REEP3: variants seen among roughly 807,000 people sequenced by gnomAD.
REEP3 encodes receptor expression-enhancing protein 3.
In REEP3, 20 loss-of-function variants were observed where a neutral mutation model predicts 41.3. That is an observed-to-expected ratio of 0.48 (90% confidence interval 0.34 to 0.70). The LOEUF (loss-of-function observed/expected upper bound fraction) is 0.70, where lower values mean the gene tolerates loss of function less well. Ranked by LOEUF, REEP3 falls within the 30% of genes least tolerant of loss-of-function variation. REEP3 has a pLI of 0.01. For missense variants in REEP3, 271 were observed against 308.8 expected (o/e 0.88, Z 0.92); for synonymous variants, 104 against 101.8 (o/e 1.02, Z -0.13).
At chr10:63,610,124 G>A in intron 5 of REEP3, 63 bp from the exon 6 acceptor site, 1 of 1,329,856 alleles carries the variant, frequency 7.5e-7, no homozygotes, top group South Asian at 1.4e-5. Context: ...AAATGTTCAG[G>A]GATAGTTAAA....
chr10:63,542,163 T>A (rs139289219), intron 1 of REEP3, among the ~76,000 whole-genome samples: 1 of 151,322 alleles, frequency 6.6e-6, no homozygotes, highest in African/African-American at 2.4e-5. Context: ...CACTGCAACC[T>A]CCACCTCCCA....
At chr10:63,534,418 T>A (rs926129520) in intron 1 of REEP3, among the ~76,000 whole-genome samples, 2 of 152,084 alleles carry the variant, frequency 1.3e-5, no homozygotes, top group Non-Finnish European at 2.9e-5. Flanking sequence ...ATCCAGCTAA[T>A]TTTTTATATT....
intron 1 of REEP3, among the ~76,000 whole-genome samples, chr10:63,537,495 C>T (rs1176197217): frequency 1.3e-5 from 2 of 152,126 alleles, no homozygotes; most frequent in Non-Finnish European, 2.9e-5. Context: ...ATTCACTGGG[C>T]TCATTTTACT....
chr10:63,580,231 G>A (rs1482696148), intron 2 of REEP3, among the ~76,000 whole-genome samples: 1 of 152,042 alleles, frequency 6.6e-6, no homozygotes, highest in Non-Finnish European at 1.5e-5. Context: ...AACCTCCTGG[G>A]CTTCAGCTAT....
At chr10:63,575,043 A>T (rs1797367095) in intron 2 of REEP3, among the ~76,000 whole-genome samples, 2 of 151,588 alleles carry the variant, frequency 1.3e-5, no homozygotes, top group Admixed American at 6.6e-5. Flanking sequence ...TTTAGAAGAG[A>T]TGGGGTTTCA....
intron 2 of REEP3, among the ~76,000 whole-genome samples, chr10:63,578,860 C>T (rs191794970): frequency 1.6e-4 from 24 of 152,170 alleles, no homozygotes; most frequent in Non-Finnish European, 1.5e-5. Flanking sequence ...TTGTAGCTGA[C>T]ATACACTGAA....
intron 1 of REEP3, among the ~76,000 whole-genome samples, chr10:63,537,406 G>T (rs1377812483): frequency 1.3e-5 from 2 of 152,156 alleles, no homozygotes; most frequent in Non-Finnish European, 2.9e-5. Flanking sequence ...TAGGATAGGG[G>T]TTAGCTCTGA....
At chr10:63,553,199 A>T (rs12254148) in intron 1 of REEP3, among the ~76,000 whole-genome samples, 4,064 of 152,256 alleles carry the variant, frequency 0.027, 187 homozygotes, top group African/African-American at 0.092. Flanking sequence ...GAAGAGCGAG[A>T]TTGTTCTAGC....
rs904199841 is a variant in REEP3 at position 63,521,540 on chromosome 10, G to A, written c.-6G>A. 5.8e-6 allele frequency: 8 copies of A among 1,386,520 alleles called. No homozygotes were observed. The African/African-American group carries it at 7.6e-5, about 13-fold the overall frequency. 85.9% of individuals were successfully genotyped at this position (1,386,520 alleles called of 1,614,324 possible). ...CCCCGGACGTGGGGCCCAAGCCCCC[G>A]TGAAGATGGTGTCCTGGATGATCTC... On this transcript the variant is annotated 5_prime_UTR_variant, in exon 1 of 8. The change creates a new upstream start codon in the 5' untranslated region. Coordinates refer to ENST00000373758, the MANE Select transcript of REEP3 (RefSeq NM_001001330.3).
intron 6 of REEP3, among the ~76,000 whole-genome samples, 191 bp downstream of exon 6, chr10:63,610,525 C>G (rs985391857): frequency 6.6e-6 from 1 of 152,014 alleles, no homozygotes; most frequent in East Asian, 1.9e-4. Flanking sequence ...ACATGTATAC[C>G]TGTGTAACAA....
intron 1 of REEP3, among the ~76,000 whole-genome samples, chr10:63,540,090 G>T (rs1380019380): frequency 6.6e-6 from 1 of 152,154 alleles, no homozygotes; most frequent in Non-Finnish European, 1.5e-5. Context: ...AAGCTTAACA[G>T]TAAGCAACAT....
chr10:63,548,118 T>A (rs968143850), intron 1 of REEP3, among the ~76,000 whole-genome samples: 4 of 152,206 alleles, frequency 2.6e-5, no homozygotes, highest in Non-Finnish European at 4.4e-5. Context: ...CAGCGGGGAC[T>A]GGAAGTGATA....
intron 3 of REEP3, among the ~76,000 whole-genome samples, chr10:63,597,102 C>A (rs921949116): frequency 3.3e-5 from 5 of 152,250 alleles, no homozygotes; most frequent in Admixed American, 2.0e-4. Context: ...CTGGCCAAAG[C>A]AAGCAAGTCA....
chr10:63,535,763 T>C (rs1279777344), intron 1 of REEP3, among the ~76,000 whole-genome samples: 1 of 152,198 alleles, frequency 6.6e-6, no homozygotes, highest in Non-Finnish European at 1.5e-5. Context: ...TAAATAGTGT[T>C]GTGATAATTG....
chr10:63,549,551 T>C (rs750983813), intron 1 of REEP3, among the ~76,000 whole-genome samples: 5 of 152,160 alleles, frequency 3.3e-5, no homozygotes, highest in Admixed American at 6.5e-5. Flanking sequence ...TGGGTGACGT[T>C]GTCGAAGGGA....
At position 63,586,327 on chromosome 10, in the gene REEP3, A is replaced by T. The variant is rs114486568; in HGVS notation, c.106-8451A>T. Among the ~76,000 whole-genome samples, 1,102 of 152,338 alleles carry T rather than the reference A, an allele frequency of 7.2e-3. 17 individuals are homozygous for T. The highest frequency in any genetic ancestry group is 0.025 in the African/African-American group (1,045 of 41,588). On this transcript the variant is annotated intron_variant, in intron 2 of 7. Coordinates refer to ENST00000373758, the MANE Select transcript of REEP3 (RefSeq NM_001001330.3). ...TAGGCTAATCTGATCCATGCACTAT[A>T]TAAATCAGAATGTAATTTTAAATAC...
Position 63,594,827 on chromosome 10 carries a change from A to C in REEP3, c.155A>C (p.Glu52Ala), listed in dbSNP as rs1419636397. Reference protein sequence around the residue: ...WIVFALYTVIETVADQTVAWF... With the variant: ...WIVFALYTVIATVADQTVAWF... ...GTTTTTGCTCTCTATACTGTGATTG[A>C]AACAGTAGCCGATCAAACAGTTGCT... The change falls in exon 3 of 8, where the codon GAA (glutamate) becomes GCA (alanine). Residue 52 changes from glutamate to alanine, a missense_variant. Physicochemically the swap from Glu to Ala is moderately radical, Grantham distance 107. Transcript: ENST00000373758. 1.2e-6 allele frequency: 2 copies of C among 1,611,958 alleles called. No homozygotes were observed. Among genetic ancestry groups the C allele is most frequent in the Non-Finnish European group, 1.7e-6 (2 of 1,178,072 alleles).
intron 1 of REEP3, among the ~76,000 whole-genome samples, chr10:63,537,730 G>T (rs1251431518): frequency 6.6e-6 from 1 of 152,040 alleles, no homozygotes; most frequent in Non-Finnish European, 1.5e-5. Context: ...TTTCAGTGCT[G>T]AGCCAGGCCA....
chr10:63,597,070 A>G (rs897023004), intron 3 of REEP3, among the ~76,000 whole-genome samples: 1 of 152,126 alleles, frequency 6.6e-6, no homozygotes, highest in Non-Finnish European at 1.5e-5. Context: ...CTTGCATGTG[A>G]CATGTATCAT....
Sources: gnomAD v4.1 joint callset for allele counts (sites outside exome capture counted in the v4.1 genomes callset) on GRCh38, gnomAD v4.1.1 for gene constraint, MANE v1.5 for transcripts, NCBI Gene and HGNC (gene_info 2026-07-23, HGNC 2026-07-21) for gene names.